The following KHNYN variants were observed in gnomAD, a reference collection of about 807,000 sequenced individuals.
KHNYN encodes KH and NYN domain containing.
Under a neutral mutation model 62.7 loss-of-function variants are expected in KHNYN, and 42 were observed. The observed-to-expected ratio is 0.67, with a 90% CI of 0.52 to 0.87. The LOEUF (loss-of-function observed/expected upper bound fraction) is 0.87, where lower values mean the gene tolerates loss of function less well. KHNYN is among the 40% of genes least tolerant of loss of function. The probability of loss-of-function intolerance (pLI) is 0.00; values close to 1 mark genes in which losing one functional copy is unlikely to be tolerated. For missense variants in KHNYN, 829 were observed against 874.1 expected (o/e 0.95, Z 0.65); for synonymous variants, 347 against 345.6 (o/e 1.00, Z -0.04).
upstream of KHNYN, chr14:24,429,839 T>C: frequency 9.6e-7 from 1 of 1,036,578 alleles, no homozygotes; most frequent in Non-Finnish European, 1.2e-6. Context: ...CCGAGGGGAC[T>C]AGGCCGAGCG....
At chr14:24,436,985 A>G (rs776946268) in intron 7 of KHNYN, 51 bp from the exon 8 acceptor site, 35 of 1,575,236 alleles carry the variant, frequency 2.2e-5, no homozygotes, top group African/African-American at 5.4e-5. Flanking sequence ...ACTAAGATCT[A>G]ATTTCCCCCC....
At position 24,440,657 on chromosome 14, in the gene KHNYN, C is replaced by T. The variant is rs572763393; in HGVS notation, c.*3372C>T. ...TTAAGACCTCACACCTTCTCATCTG[C>T]AGGTTGGCTAGAAGTGGTGGCATCC... On this transcript the variant is annotated 3_prime_UTR_variant, in exon 8 of 8. Transcript: ENST00000553935. 33 of 1,373,554 alleles carry T rather than the reference C, an allele frequency of 2.4e-5. No homozygotes were observed. In the African/African-American group the frequency reaches 4.5e-4, roughly 19 times the overall value. 85.1% of individuals were successfully genotyped at this position (1,373,554 alleles called of 1,614,324 possible). A position where few individuals can be genotyped will look rare whatever the true frequency, so the allele number is the denominator to read the frequency against.
chr14:24,437,248 A>G lies in KHNYN; in HGVS notation c.2000A>G (p.Asn667Ser). 4 of 1,614,164 alleles carry G rather than the reference A, an allele frequency of 2.5e-6. No individual in the cohort carries two copies. The highest frequency in any genetic ancestry group is 1.3e-5 in the African/African-American group (1 of 75,050). Residue 667 changes from asparagine to serine, a missense_variant, in exon 8 of 8, where the codon AAC (asparagine) becomes AGC (serine). Physicochemically the swap from Asn to Ser is conservative, Grantham distance 46 (BLOSUM62 1). This residue lies in a region of KHNYN where 270 missense variants were observed against 347.1 expected (regional missense o/e 0.78). Transcript: ENST00000553935. This position sits in a 1 kb window ranked among gnomAD's most constrained non-coding sequence, Gnocchi z 5.5. ...CGGGAGCCATACTGCCGGGACATCAACCAACTGTCTGAGGCCCTGCTCAGT... is the reference window on the plus strand; with the variant it reads ...CGGGAGCCATACTGCCGGGACATCAGCCAACTGTCTGAGGCCCTGCTCAGT... Reference protein sequence around the residue: ...LQREPYCRDINQLSEALLSLN... With the variant: ...LQREPYCRDISQLSEALLSLN...
Position 24,432,599 on chromosome 14 carries a change from C to A in KHNYN, c.1338C>A (p.Asn446Lys). 6.2e-7 allele frequency: 1 copy of A among 1,606,212 alleles called. No homozygotes were observed. Residue 446 changes from asparagine to lysine, a missense_variant, in exon 3 of 8, where the codon AAC becomes AAA. Around this residue, in one of 2 missense-constraint regions of KHNYN, gnomAD observed 270 missense variants for 347.1 expected, o/e 0.78. Transcript: ENST00000553935. This position sits in a 1 kb window ranked among gnomAD's most constrained non-coding sequence, Gnocchi z 5.6. ...GCCATATTGTCATTGACGGCAGCAA[C>A]GTGGCCATGGTGTGAGTACCTGGTG... ...DLRHIVIDGS[N>K]VAMVHGLQHY... is the part of the protein sequence containing the mutation.
In KHNYN at chr14:24,432,636, C is replaced by T; in HGVS notation, c.1349+26C>T. On this transcript the variant is annotated intron_variant, in intron 3 of 7. Coordinates refer to ENST00000553935, the MANE Select transcript of KHNYN (RefSeq NM_015299.3). This position sits in a 1 kb window ranked among gnomAD's most constrained non-coding sequence, Gnocchi z 5.6. ...GTGAGTACCTGGTGGGGCTAAGGGC[C>T]TAGGAGAGGGAGGATATGTCCTGAG... 1 of 1,609,898 alleles carries T rather than the reference C, an allele frequency of 6.2e-7. No homozygotes were observed. Among genetic ancestry groups the T allele is most frequent in the South Asian group, 1.1e-5 (1 of 90,762 alleles).
At chr14:24,430,172 G>C (rs1056058790) in intron 1 of KHNYN, 53 bp downstream of exon 1, 1 of 979,958 alleles carries the variant, frequency 1.0e-6, no homozygotes, top group East Asian at 1.1e-4. Context: ...GCCGCGGTGC[G>C]GAGTAGGCCC....
In KHNYN at chr14:24,440,051, G is replaced by A. The variant is rs748083539; in HGVS notation, c.*2766G>A. The A allele has an allele frequency of 4.6e-6, 7 of 1,537,762 alleles. No homozygotes were observed. Among genetic ancestry groups the A allele is most frequent in the Non-Finnish European group, 6.2e-6 (7 of 1,135,664 alleles). On this transcript the variant is annotated 3_prime_UTR_variant, in exon 8 of 8. Coordinates refer to ENST00000553935, the MANE Select transcript of KHNYN (RefSeq NM_015299.3). Reference sequence around the variant, plus strand: ...CAGTGCCTAACCTGGAAGCCTGTGAGGAACAGGCCTCAGGCCCTTGCCACG... The same window carrying A: ...CAGTGCCTAACCTGGAAGCCTGTGAAGAACAGGCCTCAGGCCCTTGCCACG...
intron 7 of KHNYN, 53 bp from the exon 8 acceptor site, chr14:24,436,983 C>A: frequency 6.4e-7 from 1 of 1,573,162 alleles, no homozygotes; most frequent in Non-Finnish European, 8.6e-7. Flanking sequence ...CCACTAAGAT[C>A]TAATTTCCCC....
upstream of KHNYN, chr14:24,427,697 AGT>A: frequency 8.7e-7 from 1 of 1,147,392 alleles, no homozygotes. The surrounding 1 kb of genome is among the most constrained non-coding windows in gnomAD (Gnocchi z 4.4). Context: ...AGCCAGAGGG[AGT>A]CTCTCTCCTG....
Position 24,441,594 on chromosome 14 carries a change from T to C in KHNYN, c.*4309T>C, listed in dbSNP as rs2043339595. 8.2e-7 allele frequency: 1 copy of C among 1,226,890 alleles called. No individual in the cohort carries two copies. Among genetic ancestry groups the C allele is most frequent in the African/African-American group, 1.5e-5 (1 of 68,138 alleles). The allele number at this position is 1,226,890 out of a possible 1,614,324, so 76.0% of individuals were successfully genotyped here. On this transcript the variant is annotated 3_prime_UTR_variant, in exon 8 of 8. Transcript: ENST00000553935. ...TTTTGCCTGGAAAAGACCAGTGCTC[T>C]GGTGTGTGCATAGCTACAGAGGTCT...
chr14:24,440,224 AG>A lies in KHNYN; in HGVS notation c.*2940del. 1.2e-6 allele frequency: 2 copies of A among 1,613,848 alleles called. No individual in the cohort carries two copies. Among genetic ancestry groups the A allele is most frequent in the Admixed American group, 1.7e-5 (1 of 60,018 alleles). On this transcript the variant is annotated 3_prime_UTR_variant, in exon 8 of 8. Transcript: ENST00000553935. ...GTCGCCCAAAGACAGCTTGCACCAC[AG>A]CGCTGGGGAGAGGGATGAAGGCTCG... is the stretch of plus-strand genomic sequence containing the variant.
chr14:24,429,585 C>A, upstream of KHNYN: 1 of 693,086 alleles, frequency 1.4e-6, no homozygotes, highest in Non-Finnish European at 2.0e-6. Flanking sequence ...GGGTACCCTC[C>A]GCCTCCCGCC....
chr14:24,440,097 C>T lies in KHNYN; in HGVS notation c.*2812C>T. The T allele has an allele frequency of 6.2e-7, 1 of 1,601,516 alleles. No homozygotes were observed. On this transcript the variant is annotated 3_prime_UTR_variant, in exon 8 of 8. Coordinates refer to ENST00000553935, the MANE Select transcript of KHNYN (RefSeq NM_015299.3). Reference sequence around the variant, plus strand: ...CCACGACCTACTTAGGCTACAATTTCCTTTAAGGCAGCCCCTAGCTCTGGG... The same window carrying T: ...CCACGACCTACTTAGGCTACAATTTTCTTTAAGGCAGCCCCTAGCTCTGGG...
At chr14:24,431,339 A>G (rs2043108086) in intron 2 of KHNYN, 124 bp from the exon 3 acceptor site, 6 of 749,698 alleles carry the variant, frequency 8.0e-6, no homozygotes, top group Non-Finnish European at 1.3e-5. Flanking sequence ...CCTTATCTCT[A>G]AAATGGGAAT....
In KHNYN at chr14:24,431,878, TG is replaced by T; in HGVS notation, c.619del (p.Ala207LeufsTer18). ...TCTAGTGGGCAGGGGCCAGGAGCAC[TG>T]GCTTCTTGGGAGGGGCGGAGCTCAG... ...EASSGQGPGA[L>X]ASWEGRSSAL... On this transcript the variant is annotated frameshift_variant, in exon 3 of 8. Coordinates refer to ENST00000553935, the MANE Select transcript of KHNYN (RefSeq NM_015299.3). LOFTEE classifies it high-confidence loss of function. The T allele has an allele frequency of 6.2e-7, 1 of 1,614,032 alleles. No homozygotes were observed. Among genetic ancestry groups the T allele is most frequent in the Non-Finnish European group, 8.5e-7 (1 of 1,180,018 alleles).
upstream of KHNYN, chr14:24,428,926 C>G (rs548072166): frequency 4.4e-5 from 68 of 1,560,478 alleles, no homozygotes; most frequent in South Asian, 7.6e-4. Flanking sequence ...CCAGGCACTC[C>G]CCCTCCAGCA....
chr14:24,435,792 G>A, intron 5 of KHNYN: 1 of 473,626 alleles, frequency 2.1e-6, no homozygotes, highest in Non-Finnish European at 3.8e-6. Flanking sequence ...GCCTGTAGCT[G>A]GGTCAAGGTG....
In KHNYN at chr14:24,439,885, T is replaced by C. The variant is rs746167443; in HGVS notation, c.*2600T>C. The stretch of plus-strand genomic sequence containing the variant: ...CCAAACTGGGAAATCTTACAAGGAG[T>C]TGAAAAGATTAATGTCCCAACCTGA... On this transcript the variant is annotated 3_prime_UTR_variant, in exon 8 of 8. Coordinates refer to ENST00000553935, the MANE Select transcript of KHNYN (RefSeq NM_015299.3). 5 of 509,150 alleles carry C rather than the reference T, an allele frequency of 9.8e-6. No individual in the cohort carries two copies. The highest frequency in any genetic ancestry group is 3.6e-5 in the Admixed American group (1 of 27,430). 31.5% of individuals were successfully genotyped at this position (509,150 alleles called of 1,614,324 possible).
chr14:24,430,293 A>C, intron 1 of KHNYN, 174 bp downstream of exon 1: 1 of 663,436 alleles, frequency 1.5e-6, no homozygotes, highest in Non-Finnish European at 1.9e-6. Context: ...CGGCTGGGGG[A>C]GGGGTGGGAG....
Sources: gnomAD v4.1 joint callset for allele counts on GRCh38, gnomAD v4.1.1 for gene constraint, gnomAD v4.1.1 regional missense constraint, Gnocchi (gnomAD v3.1) non-coding constraint, MANE v1.5 for transcripts, NCBI Gene and HGNC (gene_info 2026-07-23, HGNC 2026-07-21) for gene names.